Variants in KAT6B observed in about 807,000 individuals in gnomAD.
The protein encoded by KAT6B is histone acetyltransferase KAT6B.
Under a neutral mutation model 187.5 loss-of-function variants are expected in KAT6B, and 10 were observed. That is an observed-to-expected ratio of 0.05 (90% CI 0.03 to 0.09). KAT6B has a LOEUF of 0.09. Ranked by LOEUF, KAT6B falls within the 10% of genes least tolerant of loss-of-function variation. The pLI is 1.00. For missense variants in KAT6B, 1,952 were observed against 2,558.9 expected (o/e 0.76, Z 5.12); for synonymous variants, 861 against 926.8 (o/e 0.93, Z 1.29).
chr10:74,988,776 T>C (rs572609997), intron 12 of KAT6B, among the ~76,000 whole-genome samples: 1 of 152,384 alleles, frequency 6.6e-6, no homozygotes, highest in Non-Finnish European at 1.5e-5. Flanking sequence ...CCTTGGATTC[T>C]TTATGCATAT....
intron 12 of KAT6B, among the ~76,000 whole-genome samples, chr10:74,987,045 A>G (rs770545169): frequency 2.0e-5 from 3 of 152,202 alleles, no homozygotes; most frequent in Non-Finnish European, 4.4e-5. Context: ...CTTCTATAGC[A>G]TGGCAGCAGC....
intron 13 of KAT6B, among the ~76,000 whole-genome samples, chr10:75,018,865 C>T (rs1483559376): frequency 6.6e-6 from 1 of 152,154 alleles, no homozygotes; most frequent in African/African-American, 2.4e-5. Flanking sequence ...ATATCCACGG[C>T]TCTATGGTTC....
At chr10:74,885,785 G>T (rs559718982) in intron 3 of KAT6B, among the ~76,000 whole-genome samples, 3 of 150,404 alleles carry the variant, frequency 2.0e-5, no homozygotes, top group Non-Finnish European at 3.0e-5. Flanking sequence ...AGGCTGGAGT[G>T]CAGTGGCACG....
intron 3 of KAT6B, among the ~76,000 whole-genome samples, chr10:74,946,026 T>C (rs563017190): frequency 1.3e-5 from 2 of 152,368 alleles, no homozygotes; most frequent in South Asian, 4.1e-4. Flanking sequence ...CATTGTGTTC[T>C]TAAATCTTTG....
At chr10:74,966,922 C>T (rs986302058) in intron 4 of KAT6B, among the ~76,000 whole-genome samples, 5 of 151,928 alleles carry the variant, frequency 3.3e-5, no homozygotes, top group African/African-American at 1.2e-4. Flanking sequence ...CCCAGCTACT[C>T]GAGAGGCTGA....
intron 11 of KAT6B, chr10:74,984,124 T>A (rs1842684855): frequency 1.3e-5 from 2 of 152,226 alleles, no homozygotes; most frequent in South Asian, 4.1e-4. Context: ...GAGAATTGTA[T>A]CCTCTGTGCC....
At chr10:74,969,601 G>A (rs1043322948) in intron 4 of KAT6B, 59 bp from the exon 5 acceptor site, 1 of 933,990 alleles carries the variant, frequency 1.1e-6, no homozygotes, top group African/African-American at 1.6e-5. Context: ...TAGGGAATGG[G>A]AGTTTAAAAA....
intron 13 of KAT6B, among the ~76,000 whole-genome samples, chr10:75,006,017 G>A (rs747139410): frequency 5.9e-5 from 9 of 152,206 alleles, no homozygotes; most frequent in South Asian, 4.1e-4. Flanking sequence ...TAATACAGGC[G>A]GACGTCAGTC....
At chr10:74,836,057 G>A (rs1841285057) in intron 1 of KAT6B, among the ~76,000 whole-genome samples, 1 of 152,222 alleles carries the variant, frequency 6.6e-6, no homozygotes, top group South Asian at 2.1e-4. Context: ...TCATATGAAT[G>A]AAATTATATG....
intron 1 of KAT6B, among the ~76,000 whole-genome samples, chr10:74,828,054 T>C (rs972080575): frequency 2.6e-5 from 4 of 152,124 alleles, no homozygotes; most frequent in African/African-American, 7.2e-5. Flanking sequence ...TACCTTGGGA[T>C]AGGACATTTT....
At position 74,909,392 on chromosome 10, in the gene KAT6B, T is replaced by C. The variant is rs550789035; in HGVS notation, c.622-50578T>C. 7.8e-4 allele frequency among the ~76,000 whole-genome samples: 118 copies of C among 152,230 alleles called. 1 individual carries two copies. The highest frequency in any genetic ancestry group is 2.5e-3 in the African/African-American group (102 of 41,500). ...TCTCTAAATAAATAAATAAATATAATGTAAGGCAAGGCCTTTTCCCTTATA... is the reference window on the plus strand; with the variant it reads ...TCTCTAAATAAATAAATAAATATAACGTAAGGCAAGGCCTTTTCCCTTATA... On this transcript the variant is annotated intron_variant, in intron 3 of 17. Transcript: ENST00000287239.
intron 1 of KAT6B, among the ~76,000 whole-genome samples, chr10:74,828,540 AT>A (rs1840454658): frequency 1.9e-5 from 2 of 106,278 alleles, no homozygotes; most frequent in Non-Finnish European, 4.1e-5. Flanking sequence ...AAAACACTCC[AT>A]TTTTTTCTTA....
chr10:74,901,192 A>T (rs1846367647), intron 3 of KAT6B, among the ~76,000 whole-genome samples: 1 of 152,202 alleles, frequency 6.6e-6, no homozygotes, highest in Non-Finnish European at 1.5e-5. Flanking sequence ...CTATCCAGTT[A>T]CCTGTCAAAG....
rs190854660 is a variant in KAT6B at position 74,912,169 on chromosome 10, T to G, written c.622-47801T>G. 2.7e-3 allele frequency among the ~76,000 whole-genome samples: 407 copies of G among 152,296 alleles called. 15 individuals carry two copies. Among genetic ancestry groups the G allele is most frequent in the Non-Finnish European group, 2.0e-3 (139 of 68,032 alleles). ...TGCTTTTCAAAAATTATGCTCAATTTTTTTTTTAATATTACAAAGGACTTT... is the reference window on the plus strand; with the variant it reads ...TGCTTTTCAAAAATTATGCTCAATTGTTTTTTTAATATTACAAAGGACTTT... On this transcript the variant is annotated intron_variant, in intron 3 of 17. Transcript: ENST00000287239.
intron 3 of KAT6B, among the ~76,000 whole-genome samples, chr10:74,864,391 C>T (rs1843409121): frequency 6.6e-6 from 1 of 152,118 alleles, no homozygotes; most frequent in Non-Finnish European, 1.5e-5. Flanking sequence ...CAGGCGTGCT[C>T]CACTACGCCC....
chr10:74,890,883 T>G lies in KAT6B; in HGVS notation c.621+47405T>G, dbSNP rs573521609. Among the ~76,000 whole-genome samples the G allele has an allele frequency of 7.9e-5, 12 of 152,382 alleles. No individual in the cohort carries two copies. In the South Asian group the frequency reaches 2.1e-3, roughly 26 times the overall value. On this transcript the variant is annotated intron_variant, in intron 3 of 17. Transcript: ENST00000287239. ...ATAGAACACAGTTTGGGTTTTTTTT[T>G]GGCATATAAATGGTTGAATTTCAAA...
At chr10:75,009,361 AC>A (rs1352290106) in intron 13 of KAT6B, among the ~76,000 whole-genome samples, 2 of 152,158 alleles carry the variant, frequency 1.3e-5, no homozygotes, top group Non-Finnish European at 2.9e-5. Flanking sequence ...AGTACCTAGT[AC>A]CTAGTAGGCA....
intron 4 of KAT6B, among the ~76,000 whole-genome samples, chr10:74,967,275 A>G (rs1214001880): frequency 6.6e-6 from 1 of 151,554 alleles, no homozygotes; most frequent in Non-Finnish European, 1.5e-5. Context: ...GCTTGCAGTG[A>G]GCCAAGATGA....
intron 4 of KAT6B, 45 bp from the exon 5 acceptor site, chr10:74,969,614 TC>T (rs761367521): frequency 1.7e-6 from 2 of 1,153,026 alleles, no homozygotes; most frequent in South Asian, 2.5e-5. Context: ...TTTAAAAAAG[TC>T]AAAGGCACCA....
Sources: allele counts gnomAD v4.1 joint callset (sites outside exome capture counted in the v4.1 genomes callset), GRCh38; gene constraint gnomAD v4.1.1; transcripts MANE v1.5; gene names NCBI Gene and HGNC (gene_info 2026-07-23, HGNC 2026-07-21).